Variants in LRMDA observed in about 807,000 individuals in gnomAD.
LRMDA encodes the protein leucine-rich melanocyte differentiation-associated protein.
A neutral mutation model predicts 29.8 loss-of-function variants in LRMDA; 18 were observed. That is an observed-to-expected ratio of 0.60 (90% CI 0.42 to 0.90). The LOEUF is 0.90. LRMDA is among the 40% of genes least tolerant of loss of function. LRMDA has a pLI of 0.00. For missense variants in LRMDA, 273 were observed against 273.9 expected (o/e 1.00, Z 0.02); for synonymous variants, 125 against 109.4 (o/e 1.14, Z -0.89).
chr10:75,527,101 A>G (rs1845422401), intron 2 of LRMDA, among the ~76,000 whole-genome samples: 1 of 152,092 alleles, frequency 6.6e-6, no homozygotes, highest in Non-Finnish European at 1.5e-5. Context: ...CCTATTTTGG[A>G]TATTTCACAT....
rs1025376649 is a variant in LRMDA, at chr10:76,558,775, C to T, written c.*1487C>T. The stretch of plus-strand genomic sequence containing the variant: ...CAGCTCTAGCCCGTTTACATAGCCT[C>T]TGGCCCACTGAGTCAACACAGGCCT... On this transcript the variant is annotated 3_prime_UTR_variant, in exon 7 of 7. Transcript: ENST00000611255. The T allele has an allele frequency of 2.0e-5, 3 of 152,156 alleles. No individual in the cohort carries two copies. Among genetic ancestry groups the T allele is most frequent in the Non-Finnish European group, 4.4e-5 (3 of 68,036 alleles). 9.4% of individuals were successfully genotyped at this position (152,156 alleles called of 1,614,324 possible). A position where few individuals can be genotyped will look rare whatever the true frequency, so the allele number is the denominator to read the frequency against.
At chr10:76,334,266 T>C (rs142968229) in intron 6 of LRMDA, among the ~76,000 whole-genome samples, 21 of 152,358 alleles carry the variant, frequency 1.4e-4, no homozygotes, top group African/African-American at 4.6e-4. Context: ...ATTAACTTCC[T>C]AGTCCCAGTT....
At chr10:75,816,999 C>G (rs1407767281) in intron 2 of LRMDA, among the ~76,000 whole-genome samples, 1 of 152,186 alleles carries the variant, frequency 6.6e-6, no homozygotes, top group Non-Finnish European at 1.5e-5. Context: ...ACTTTAACTT[C>G]CAATTCAACA....
intron 2 of LRMDA, among the ~76,000 whole-genome samples, chr10:75,590,589 T>C (rs1840710279): frequency 1.3e-5 from 2 of 152,112 alleles, no homozygotes; most frequent in Admixed American, 1.3e-4. Flanking sequence ...ATTAAAATGC[T>C]GGTAGGAGAT....
chr10:76,291,741 C>T (rs1442714838), intron 5 of LRMDA, among the ~76,000 whole-genome samples: 2 of 151,978 alleles, frequency 1.3e-5, no homozygotes, highest in Non-Finnish European at 2.9e-5. Flanking sequence ...TAAAAAAGAT[C>T]TTAGATTTTT....
chr10:76,477,256 AACAG>A (rs1172247224), intron 6 of LRMDA, among the ~76,000 whole-genome samples: 3 of 151,980 alleles, frequency 2.0e-5, no homozygotes, highest in East Asian at 3.9e-4. Flanking sequence ...ATACACCAAT[AACAG>A]ACAAACAGAG....
chr10:76,078,915 T>A lies in LRMDA; in HGVS notation c.516+20132T>A, dbSNP rs371470255. 4.3e-4 allele frequency among the ~76,000 whole-genome samples: 65 copies of A among 152,342 alleles called. No individual in the cohort carries two copies. In the East Asian group the frequency reaches 9.5e-3, roughly 22 times the overall value. Reference sequence around the variant, plus strand: ...GTCTTTCTTCTCACCCATTGGCTAGTTTCTACCCATTAACACCAAGCCTCA... The same window carrying A: ...GTCTTTCTTCTCACCCATTGGCTAGATTCTACCCATTAACACCAAGCCTCA... On this transcript the variant is annotated intron_variant, in intron 5 of 6. Coordinates refer to ENST00000611255, the MANE Select transcript of LRMDA (RefSeq NM_001305581.2).
chr10:75,844,707 C>G (rs765536750), intron 2 of LRMDA, among the ~76,000 whole-genome samples: 3 of 152,204 alleles, frequency 2.0e-5, no homozygotes, highest in Non-Finnish European at 4.4e-5. Flanking sequence ...ATTTATCTTG[C>G]TGCAAATGAG....
At chr10:75,467,148 G>A (rs1179631440) in intron 2 of LRMDA, among the ~76,000 whole-genome samples, 2 of 152,134 alleles carry the variant, frequency 1.3e-5, no homozygotes, top group Non-Finnish European at 2.9e-5. Context: ...TATGGCAGTC[G>A]GCCCATCCTG....
chr10:76,195,207 C>A (rs1191080270), intron 5 of LRMDA, among the ~76,000 whole-genome samples: 1 of 152,172 alleles, frequency 6.6e-6, no homozygotes, highest in Non-Finnish European at 1.5e-5. Context: ...TTGCATTCCT[C>A]CCATTCTAAC....
intron 6 of LRMDA, among the ~76,000 whole-genome samples, chr10:76,481,775 T>C (rs1842735452): frequency 6.6e-6 from 1 of 151,946 alleles, no homozygotes; most frequent in Non-Finnish European, 1.5e-5. Context: ...CAAGCCCTTC[T>C]CTATACTGGG....
intron 5 of LRMDA, among the ~76,000 whole-genome samples, chr10:76,313,458 G>A (rs1396854806): frequency 6.6e-6 from 1 of 152,102 alleles, no homozygotes; most frequent in Non-Finnish European, 1.5e-5. Context: ...TGATCAATAA[G>A]GCATCAGAGC....
At chr10:75,692,231 T>C (rs866471735) in intron 2 of LRMDA, among the ~76,000 whole-genome samples, 1 of 136,670 alleles carries the variant, frequency 7.3e-6, no homozygotes, top group East Asian at 2.0e-4. Context: ...TATATATATA[T>C]ATATATATAT....
At chr10:76,098,651 A>G (rs919251280) in intron 5 of LRMDA, among the ~76,000 whole-genome samples, 1 of 152,136 alleles carries the variant, frequency 6.6e-6, no homozygotes, top group Non-Finnish European at 1.5e-5. Context: ...TTTTGGTACT[A>G]CTAATGTAAC....
intron 2 of LRMDA, among the ~76,000 whole-genome samples, chr10:75,598,482 G>A (rs1840831665): frequency 6.6e-6 from 1 of 151,940 alleles, no homozygotes; most frequent in Admixed American, 6.6e-5. Flanking sequence ...GCTGGACGAT[G>A]TAGTATGTTT....
chr10:75,956,180 C>T (rs531295785), intron 2 of LRMDA, among the ~76,000 whole-genome samples: 1 of 152,134 alleles, frequency 6.6e-6, no homozygotes, highest in African/African-American at 2.4e-5. Context: ...TTTGCAGGAA[C>T]TCTCACTTCC....
chr10:75,960,648 C>T (rs1846748062), intron 2 of LRMDA, among the ~76,000 whole-genome samples: 1 of 152,172 alleles, frequency 6.6e-6, no homozygotes, highest in South Asian at 2.1e-4. Flanking sequence ...GAGTCTCACT[C>T]TGTTGCCCAG....
intron 3 of LRMDA, among the ~76,000 whole-genome samples, chr10:76,036,974 AAT>A (rs796780458): frequency 4.9e-4 from 75 of 152,286 alleles, no homozygotes; most frequent in African/African-American, 1.6e-3. Context: ...GTACAAGCTC[AAT>A]AAATATTTGA....
intron 6 of LRMDA, among the ~76,000 whole-genome samples, chr10:76,476,326 T>A (rs1249927619): frequency 6.6e-6 from 1 of 152,080 alleles, no homozygotes. Context: ...CCTCAGCACA[T>A]ACACACTCCC....
Sources: allele counts gnomAD v4.1 joint callset (sites outside exome capture counted in the v4.1 genomes callset), GRCh38; gene constraint gnomAD v4.1.1; transcripts MANE v1.5; gene names NCBI Gene and HGNC (gene_info 2026-07-23, HGNC 2026-07-21).